The following NAA50 variants were observed in gnomAD, a reference collection of about 807,000 sequenced individuals.
NAA50 encodes the protein N-alpha-acetyltransferase 50, NatE catalytic subunit.
Under a neutral mutation model 20.7 loss-of-function variants are expected in NAA50, and 7 were observed. The ratio of observed to expected loss-of-function variants is 0.34; its 90% CI spans 0.19 to 0.63. NAA50 has a LOEUF of 0.63. Ranked by LOEUF, NAA50 falls within the 30% of genes least tolerant of loss-of-function variation. NAA50 has a pLI of 0.75. For missense variants in NAA50, 111 were observed against 199.1 expected (o/e 0.56, Z 2.66); for synonymous variants, 54 against 70.6 (o/e 0.77, Z 1.18).
intron 1 of NAA50, among the ~76,000 whole-genome samples, chr3:113,732,838 C>T (rs1475912688): frequency 2.6e-5 from 4 of 152,142 alleles, no homozygotes; most frequent in Admixed American, 6.5e-5. Context: ...GACATTTAAC[C>T]TCTAAACTGT....
In NAA50 at chr3:113,717,446, T is replaced by C. The variant is rs1708069849; in HGVS notation, c.*4314A>G. The C allele has an allele frequency of 6.6e-6, 1 of 152,206 alleles. No individual in the cohort carries two copies. 9.4% of individuals were successfully genotyped at this position (152,206 alleles called of 1,614,324 possible). On this transcript the variant is annotated 3_prime_UTR_variant, in exon 5 of 5. Transcript: ENST00000240922. The stretch of plus-strand genomic sequence containing the variant: ...ACAGATCGTTCTCTGACTTAAATAA[T>C]TCTCAATGTTCTACCAAGTTAACAA...
intron 1 of NAA50, among the ~76,000 whole-genome samples, chr3:113,743,374 T>C (rs1015616712): frequency 2.6e-5 from 4 of 152,222 alleles, no homozygotes; most frequent in Non-Finnish European, 5.9e-5. Context: ...TAAAATTTCA[T>C]ACAAAAGCCA....
chr3:113,736,077 G>A (rs1285084476), intron 1 of NAA50, among the ~76,000 whole-genome samples: 1 of 152,208 alleles, frequency 6.6e-6, no homozygotes, highest in Admixed American at 6.5e-5. Context: ...GTCTCAAATT[G>A]CAGCTTCTCT....
At position 113,723,397 on chromosome 3, in the gene NAA50, A is replaced by G. The variant is rs1429003166; in HGVS notation, c.265+25T>C. 3 of 1,589,396 alleles carry G rather than the reference A, an allele frequency of 1.9e-6. No homozygotes were observed. In the African/African-American group the frequency reaches 4.1e-5, roughly 22 times the overall value. ...ATAATATGTTTATGCTTCTCTGAAGAAGTAAAAAAACCACAATTTTTTACC... is the reference window on the plus strand; with the variant it reads ...ATAATATGTTTATGCTTCTCTGAAGGAGTAAAAAAACCACAATTTTTTACC... On this transcript the variant is annotated intron_variant, in intron 3 of 4. Coordinates refer to ENST00000240922, the MANE Select transcript of NAA50 (RefSeq NM_025146.4).
Position 113,746,207 on chromosome 3 carries a change from G to A in NAA50, c.-258C>T, listed in dbSNP as rs1272433780. On this transcript the variant is annotated 5_prime_UTR_variant, in exon 1 of 5. Coordinates refer to ENST00000240922, the MANE Select transcript of NAA50 (RefSeq NM_025146.4). ...CACTCGGGTCTCTCGGCTCCCTCCC[G>A]CCGCTGCCGCCAGCCAGACCCGCTG... The A allele has an allele frequency of 1.0e-5, 5 of 498,764 alleles. No individual in the cohort carries two copies. The highest frequency in any genetic ancestry group is 5.1e-5 in the South Asian group (2 of 38,856). The allele number at this position is 498,764 out of a possible 1,614,324, so 30.9% of individuals were successfully genotyped here.
intron 1 of NAA50, among the ~76,000 whole-genome samples, chr3:113,733,197 A>T (rs190344243): frequency 2.0e-5 from 3 of 152,254 alleles, no homozygotes; most frequent in African/African-American, 7.2e-5. Context: ...CAGACAGATG[A>T]TTTTGCAACT....
rs116041041 is a variant in NAA50, at chr3:113,736,384, G to C, written c.8+9558C>G. Among the ~76,000 whole-genome samples the C allele has an allele frequency of 8.9e-3, 1,362 of 152,238 alleles. 18 individuals carry two copies. Among genetic ancestry groups the C allele is most frequent in the African/African-American group, 0.031 (1,289 of 41,528 alleles). On this transcript the variant is annotated intron_variant, in intron 1 of 4. Transcript: ENST00000240922. ...TAAGTCCTTAAATGTGAAAAATGCA[G>C]TTACTTATCTGCCTCTTTATAGACT... is the stretch of plus-strand genomic sequence containing the variant.
intron 1 of NAA50, among the ~76,000 whole-genome samples, chr3:113,738,979 A>G (rs1708378732): frequency 1.3e-5 from 2 of 152,200 alleles, no homozygotes; most frequent in Non-Finnish European, 2.9e-5. Context: ...AGTTAAGGCA[A>G]TCATCATCCC....
chr3:113,720,903 A>C lies in NAA50; in HGVS notation c.*857T>G, dbSNP rs1708126818. 6.6e-6 allele frequency: 1 copy of C among 152,516 alleles called. No homozygotes were observed. The highest frequency in any genetic ancestry group is 1.5e-5 in the Non-Finnish European group (1 of 68,010). The allele number at this position is 152,516 out of a possible 1,614,324, so 9.4% of individuals were successfully genotyped here. On this transcript the variant is annotated 3_prime_UTR_variant, in exon 5 of 5. Transcript: ENST00000240922. ...ACATCAACTCAATTTTTAAGGTTAGACTATTGTTGGGTTTACTGAAGAAAA... is the reference window on the plus strand; with the variant it reads ...ACATCAACTCAATTTTTAAGGTTAGCCTATTGTTGGGTTTACTGAAGAAAA...
chr3:113,734,382 T>C (rs1403626022), intron 1 of NAA50, among the ~76,000 whole-genome samples: 5 of 152,086 alleles, frequency 3.3e-5, no homozygotes, highest in African/African-American at 1.2e-4. Flanking sequence ...CAAGATCAAT[T>C]GTACACTAAA....
intron 1 of NAA50, among the ~76,000 whole-genome samples, chr3:113,728,708 T>C (rs542639913): frequency 5.3e-5 from 8 of 152,216 alleles, no homozygotes; most frequent in Non-Finnish European, 1.0e-4. Context: ...TTCAATCTTG[T>C]AGTTGTGTGG....
intron 1 of NAA50, 167 bp downstream of exon 1, chr3:113,745,775 G>T: frequency 3.7e-6 from 3 of 816,034 alleles, no homozygotes; most frequent in Non-Finnish European, 3.6e-6. Context: ...AACAGCCCGA[G>T]CCTCGCCTCC....
rs746445244 is a variant in NAA50 at position 113,721,708 on chromosome 3, C to A, written c.*52G>T. On this transcript the variant is annotated 3_prime_UTR_variant, in exon 5 of 5. Transcript: ENST00000240922. ...TGGGGTGGGGGAGGAATCAATGGGCCTCTCTTTTATTTGGCGACAAGCAAG... is the reference window on the plus strand; with the variant it reads ...TGGGGTGGGGGAGGAATCAATGGGCATCTCTTTTATTTGGCGACAAGCAAG... 1.1e-5 allele frequency: 17 copies of A among 1,597,642 alleles called. 2 individuals are homozygous for A. Among genetic ancestry groups the A allele is most frequent in the Middle Eastern group, 1.7e-4 (1 of 5,916 alleles).
At chr3:113,740,223 C>A (rs957692729) in intron 1 of NAA50, among the ~76,000 whole-genome samples, 2 of 152,064 alleles carry the variant, frequency 1.3e-5, no homozygotes, top group Non-Finnish European at 2.9e-5. Context: ...TCTTTAAAAT[C>A]CAGTTTACTA....
At chr3:113,741,262 G>A (rs968795877) in intron 1 of NAA50, 10 of 385,612 alleles carry the variant, frequency 2.6e-5, no homozygotes, top group African/African-American at 1.1e-4. Context: ...CATCTTACCC[G>A]GGAAATGGCA....
chr3:113,727,631 C>T (rs1708215742), intron 1 of NAA50, among the ~76,000 whole-genome samples: 1 of 143,384 alleles, frequency 7.0e-6, no homozygotes, highest in African/African-American at 2.5e-5. Context: ...AAATACATGC[C>T]TTTTTTTTTT....
chr3:113,746,027 T>A lies in NAA50; in HGVS notation c.-78A>T. The A allele has an allele frequency of 6.3e-7, 1 of 1,577,974 alleles. No individual in the cohort carries two copies. Among genetic ancestry groups the A allele is most frequent in the Non-Finnish European group, 8.6e-7 (1 of 1,165,416 alleles). On this transcript the variant is annotated 5_prime_UTR_variant, in exon 1 of 5. Coordinates refer to ENST00000240922, the MANE Select transcript of NAA50 (RefSeq NM_025146.4). Reference sequence around the variant, plus strand: ...CGCCGCCCTTAGGTCTCCGCACCCTTAGCTCGGGCCACTCAACCCCGCAAG... The same window carrying A: ...CGCCGCCCTTAGGTCTCCGCACCCTAAGCTCGGGCCACTCAACCCCGCAAG...
chr3:113,734,418 G>GT (rs1559740746), intron 1 of NAA50, among the ~76,000 whole-genome samples: 1 of 152,012 alleles, frequency 6.6e-6, no homozygotes, highest in Non-Finnish European at 1.5e-5. Flanking sequence ...ACACACCCAC[G>GT]TAACAAACCG....
At position 113,723,742 on chromosome 3, in the gene NAA50, G is replaced by C. The variant is rs143158389; in HGVS notation, c.146-201C>G. The C allele has an allele frequency of 3.2e-4, 254 of 784,002 alleles. No individual in the cohort carries two copies. In the African/African-American group the frequency reaches 4.0e-3, roughly 12 times the overall value. 48.6% of individuals were successfully genotyped at this position (784,002 alleles called of 1,614,324 possible). A position where few individuals can be genotyped will look rare whatever the true frequency, so the allele number is the denominator to read the frequency against. On this transcript the variant is annotated intron_variant, in intron 2 of 4. Transcript: ENST00000240922. ...GTATAGCTTAAAGTGAAAACACACA[G>C]GTATACACTAAGAACACTAAGCATT...
Sources: allele counts gnomAD v4.1 joint callset (sites outside exome capture counted in the v4.1 genomes callset), GRCh38; gene constraint gnomAD v4.1.1; transcripts MANE v1.5; gene names NCBI Gene and HGNC (gene_info 2026-07-23, HGNC 2026-07-21).